TENM3: variants seen among roughly 807,000 people sequenced by gnomAD.
TENM3 encodes the protein teneurin transmembrane protein 3.
Under a neutral mutation model 255.1 loss-of-function variants are expected in TENM3, and 63 were observed. The observed-to-expected ratio is 0.25, with a 90% CI of 0.20 to 0.30. The LOEUF (loss-of-function observed/expected upper bound fraction) is 0.30. TENM3 is among the 10% of genes least tolerant of loss of function. The probability of loss-of-function intolerance (pLI) is 1.00; values close to 1 mark genes in which losing one functional copy is unlikely to be tolerated. For synonymous variants in TENM3, 1,306 were observed against 1,322.3 expected (o/e 0.99, Z 0.27); for missense variants, 2,929 against 3,461.1 (o/e 0.85, Z 3.86).
At chr4:182,616,729 G>A (rs1022860937) in intron 4 of TENM3, among the ~76,000 whole-genome samples, 4 of 152,002 alleles carry the variant, frequency 2.6e-5, no homozygotes, top group African/African-American at 7.3e-5. Context: ...CAGCATCCTC[G>A]GCTGATGGAG....
chr4:181,960,442 T>A, the TENM3 span, among the ~76,000 whole-genome samples: 1 of 152,204 alleles, frequency 6.6e-6, no homozygotes, highest in Non-Finnish European at 1.5e-5. Context: ...AGCTATTTCT[T>A]GAGGGCAACT....
chr4:181,675,709 A>G, the TENM3 span, among the ~76,000 whole-genome samples: 1 of 152,094 alleles, frequency 6.6e-6, no homozygotes, highest in African/African-American at 2.4e-5. Flanking sequence ...ATACTGCATG[A>G]AAATTATCAT....
At chr4:181,659,205 G>A in the TENM3 span, among the ~76,000 whole-genome samples, 6 of 152,132 alleles carry the variant, frequency 3.9e-5, no homozygotes, top group Admixed American at 3.3e-4. Flanking sequence ...GTCACAAACC[G>A]TTGTAGCAAA....
chr4:181,620,552 T>C, the TENM3 span, among the ~76,000 whole-genome samples: 1 of 151,882 alleles, frequency 6.6e-6, no homozygotes, highest in Non-Finnish European at 1.5e-5. Flanking sequence ...TCAACTGTAG[T>C]TGGAAATGAA....
intron 7 of TENM3, among the ~76,000 whole-genome samples, chr4:182,679,064 T>C (rs1251339227): frequency 6.6e-6 from 1 of 151,946 alleles, no homozygotes; most frequent in Non-Finnish European, 1.5e-5. Context: ...TGTCAGGGTG[T>C]CAGGGGCTAG....
the TENM3 span, among the ~76,000 whole-genome samples, chr4:181,993,245 G>A: frequency 6.6e-6 from 1 of 151,940 alleles, no homozygotes; most frequent in Admixed American, 6.6e-5. Context: ...TTCTCATTTT[G>A]TTAATAGGCA....
At chr4:182,136,196 G>GAAT in the TENM3 span, among the ~76,000 whole-genome samples, 8 of 152,214 alleles carry the variant, frequency 5.3e-5, no homozygotes, top group African/African-American at 1.9e-4. Context: ...ATGTTTTAGG[G>GAAT]AATACCTCCA....
intron 15 of TENM3, among the ~76,000 whole-genome samples, chr4:182,730,588 T>G (rs1175124825): frequency 6.6e-6 from 1 of 152,182 alleles, no homozygotes. Context: ...TTGAAATCTT[T>G]AGGGGTAATA....
At position 182,729,107 on chromosome 4, in the gene TENM3, T is replaced by C. The variant is rs1435161502; in HGVS notation, c.2511T>C (p.Phe837=). 1.2e-6 allele frequency: 2 copies of C among 1,613,876 alleles called. No homozygotes were observed. The highest frequency in any genetic ancestry group is 1.7e-6 in the Non-Finnish European group (2 of 1,179,900). Residue 837 remains phenylalanine, a synonymous_variant, in exon 14 of 28, where the codon TTT becomes TTC. Transcript: ENST00000511685. ...CTTCTCAGCAAGCTGCCAAATCCTT[T>C]TATGATCGAATCAGTTTCCTTATAG... ...QSPSQQAAKS[F]YDRISFLIGS... is the part of the protein sequence containing the mutation.
chr4:181,616,506 T>C, the TENM3 span, among the ~76,000 whole-genome samples: 392 of 149,598 alleles, frequency 2.6e-3, 1 homozygote, highest in Admixed American at 5.6e-3. Context: ...CCATATAATA[T>C]TATAATAATA....
At chr4:182,716,257 G>C (rs1362017935) in intron 13 of TENM3, among the ~76,000 whole-genome samples, 1 of 152,184 alleles carries the variant, frequency 6.6e-6, no homozygotes, top group African/African-American at 2.4e-5. Context: ...GAGGGAAGCG[G>C]GCTGCAGGAC....
intron 18 of TENM3, among the ~76,000 whole-genome samples, chr4:182,740,229 C>T (rs1236963189): frequency 2.0e-5 from 3 of 152,130 alleles, no homozygotes; most frequent in African/African-American, 4.8e-5. Context: ...GTTTGCACCC[C>T]GAATTAAACA....
chr4:181,743,809 T>C, the TENM3 span, among the ~76,000 whole-genome samples: 1 of 152,138 alleles, frequency 6.6e-6, no homozygotes, highest in Non-Finnish European at 1.5e-5. Context: ...CTGATGAATA[T>C]TTGTTTTCTT....
At chr4:181,636,237 G>A in the TENM3 span, among the ~76,000 whole-genome samples, 1 of 151,912 alleles carries the variant, frequency 6.6e-6, no homozygotes, top group Non-Finnish European at 1.5e-5. Context: ...TAGAGACAGG[G>A]TTTCACCATA....
At chr4:182,688,780 T>C (rs1390203404) in intron 12 of TENM3, among the ~76,000 whole-genome samples, 2 of 152,230 alleles carry the variant, frequency 1.3e-5, no homozygotes, top group African/African-American at 4.8e-5. Flanking sequence ...TCACATAGCT[T>C]AGACTTGTCC....
At chr4:182,626,010 C>T (rs536412306) in intron 4 of TENM3, among the ~76,000 whole-genome samples, 2 of 152,236 alleles carry the variant, frequency 1.3e-5, no homozygotes, top group East Asian at 1.9e-4. Context: ...GATTTCATGA[C>T]ATGGGAAAAT....
At chr4:182,023,920 A>C in the TENM3 span, among the ~76,000 whole-genome samples, 2 of 152,210 alleles carry the variant, frequency 1.3e-5, no homozygotes, top group Non-Finnish European at 2.9e-5. Context: ...GAAGTCATGT[A>C]GTTATATGGA....
the TENM3 span, among the ~76,000 whole-genome samples, chr4:181,936,153 A>G: frequency 5.9e-5 from 9 of 152,108 alleles, no homozygotes; most frequent in Non-Finnish European, 1.3e-4. Flanking sequence ...GCACTTTGGG[A>G]GGCCAAGGTG....
At chr4:181,485,382 A>G in the TENM3 span, among the ~76,000 whole-genome samples, 1 of 152,150 alleles carries the variant, frequency 6.6e-6, no homozygotes, top group African/African-American at 2.4e-5. Context: ...TCTATATAAA[A>G]CTAAGAGATT....
Sources: allele counts gnomAD v4.1 joint callset (sites outside exome capture counted in the v4.1 genomes callset), GRCh38; gene constraint gnomAD v4.1.1; transcripts MANE v1.5; gene names NCBI Gene and HGNC (gene_info 2026-07-23, HGNC 2026-07-21).